The following DCAF13 variants were observed in gnomAD, a reference collection of about 807,000 sequenced individuals.
DCAF13 encodes the protein DDB1 and CUL4 associated factor 13, also known as DDB1- and CUL4-associated factor 13.
In DCAF13, 38 loss-of-function variants were observed where a neutral mutation model predicts 59.0. The ratio of observed to expected loss-of-function variants is 0.64; its 90% CI spans 0.50 to 0.84. DCAF13 has a LOEUF of 0.84. DCAF13 is among the 40% of genes least tolerant of loss of function. DCAF13 has a pLI of 0.00. For missense variants in DCAF13, 469 were observed against 558.4 expected, an observed-to-expected ratio of 0.84 and a Z score of 1.61; for synonymous variants, 173 against 175.0, an observed-to-expected ratio of 0.99 and a Z score of 0.09.
rs759281100 is a variant in DCAF13, at chr8:103,420,440, C to G, written c.247C>G (p.Leu83Val). The change falls in exon 2 of 11, where the codon CTT becomes GTT. Residue 83 changes from leucine (L) to valine (V), a missense_variant. Leu to Val is a conservative substitution (Grantham distance 32). This residue lies in a region of DCAF13 where 355 missense variants were observed against 399.1 expected (regional missense o/e 0.89). Coordinates refer to ENST00000612750, the MANE Select transcript of DCAF13 (RefSeq NM_015420.7). ...AKHPEKLATVLSGACDGEVRI... is the reference protein window; with the variant it reads ...AKHPEKLATVVSGACDGEVRI... ...GCATCCAGAGAAGCTGGCTACTGTC[C>G]TTTCTGGGGCGTGTGATGGAGAGGC... The G allele has an allele frequency of 1.9e-6, 3 of 1,613,678 alleles. No individual in the cohort carries two copies. The East Asian group carries it at 6.7e-5, about 36-fold the overall frequency.
intron 5 of DCAF13, chr8:103,429,847 C>T (rs1051254910): frequency 4.6e-5 from 7 of 152,112 alleles, no homozygotes; most frequent in African/African-American, 1.7e-4. Context: ...ACTGGTACAG[C>T]TCTTTGGAAA....
intron 1 of DCAF13, among the ~76,000 whole-genome samples, chr8:103,418,330 G>A (rs1816655759): frequency 6.6e-6 from 1 of 151,624 alleles, no homozygotes; most frequent in Admixed American, 6.6e-5. Flanking sequence ...AGTAGCCTGG[G>A]CATCATAAGG....
intron 5 of DCAF13, chr8:103,427,561 G>A (rs889769032): frequency 2.8e-6 from 1 of 352,550 alleles, no homozygotes; most frequent in Non-Finnish European, 5.1e-6. Context: ...TCAACTTCAT[G>A]TTCCATAGAT....
chr8:103,420,232 T>C, intron 1 of DCAF13, 32 bp from the exon 2 acceptor site: 1 of 1,590,800 alleles, frequency 6.3e-7, no homozygotes, highest in Non-Finnish European at 8.6e-7. Context: ...ATATTAAGTG[T>C]GAATTATTAA....
At chr8:103,420,774 A>G (rs1816711591) in intron 2 of DCAF13, 21 of 586,146 alleles carry the variant, frequency 3.6e-5, no homozygotes, top group East Asian at 2.3e-4. Context: ...GTTTTGTAAC[A>G]CTTTAGAATC....
intron 10 of DCAF13, chr8:103,442,594 A>G (rs1563508076): frequency 2.5e-6 from 1 of 406,910 alleles, no homozygotes; most frequent in Non-Finnish European, 4.4e-6. Flanking sequence ...AAAGGACCCT[A>G]TTAGGTAAAT....
chr8:103,433,667 A>G (rs780937554), intron 7 of DCAF13, among the ~76,000 whole-genome samples: 1 of 152,046 alleles, frequency 6.6e-6, no homozygotes, highest in Non-Finnish European at 1.5e-5. Flanking sequence ...CTTTCTGCTA[A>G]AAAGAGGTTT....
intron 3 of DCAF13, among the ~76,000 whole-genome samples, chr8:103,425,211 T>C (rs1280248158): frequency 6.6e-6 from 1 of 152,236 alleles, no homozygotes; most frequent in Non-Finnish European, 1.5e-5. Flanking sequence ...AAGTTAAAAC[T>C]AGCAGTTTTG....
chr8:103,429,343 C>G (rs1009581721), intron 5 of DCAF13: 2 of 152,158 alleles, frequency 1.3e-5, no homozygotes, highest in African/African-American at 4.8e-5. Context: ...ATGATCATAA[C>G]ATTAGCTTTA....
At position 103,442,819 on chromosome 8, in the gene DCAF13, C is replaced by A; in HGVS notation, c.1275C>A (p.Ser425Arg). The A allele has an allele frequency of 6.2e-7, 1 of 1,604,756 alleles. No homozygotes were observed. The highest frequency in any genetic ancestry group is 8.5e-7 in the Non-Finnish European group (1 of 1,176,818). The stretch of plus-strand genomic sequence containing the variant: ...GGGAAGTGAATCGTATTAAACACAG[C>A]AAGCCTGGATCTGTGCCACTTGTGT... ...RRKEVNRIKHSKPGSVPLVSE... is the reference protein window; with the variant it reads ...RRKEVNRIKHRKPGSVPLVSE... The change falls in exon 11 of 11, where the codon AGC becomes AGA. Residue 425 changes from serine (S) to arginine (R), a missense_variant. Physicochemically the swap from Ser to Arg is moderately radical, Grantham distance 110. This residue lies in a region of DCAF13 where 84 missense variants were observed against 92.3 expected (regional missense o/e 0.91). Transcript: ENST00000612750.
chr8:103,425,096 G>T (rs1042111443), intron 3 of DCAF13, among the ~76,000 whole-genome samples: 2 of 152,250 alleles, frequency 1.3e-5, no homozygotes, highest in East Asian at 3.9e-4. Context: ...TTTGCTGTAA[G>T]AAAAGAGCTA....
intron 8 of DCAF13, among the ~76,000 whole-genome samples, chr8:103,439,167 G>A (rs1020551613): frequency 6.6e-6 from 1 of 151,788 alleles, no homozygotes; most frequent in Non-Finnish European, 1.5e-5. Context: ...ACCATGCCTG[G>A]CTAATTTTTT....
Position 103,420,273 on chromosome 8 carries a change from AC to A in DCAF13, c.81del (p.Tyr28MetfsTer15). On this transcript the variant is annotated frameshift_variant, in exon 2 of 11. Transcript: ENST00000612750. LOFTEE classifies it high-confidence loss of function. Reference sequence around the variant, plus strand: ...ATCATTCTTATTTCAGTTCCAAGAAACTATGATCCTGCTTTACATCCTTTTG... The same window carrying A: ...ATCATTCTTATTTCAGTTCCAAGAAATATGATCCTGCTTTACATCCTTTTG... ...TKLDLQRVPR[N>X]YDPALHPFEV... is the part of the protein sequence containing the mutation. 1 of 1,613,466 alleles carries A rather than the reference AC, an allele frequency of 6.2e-7. No homozygotes were observed.
intron 1 of DCAF13, among the ~76,000 whole-genome samples, chr8:103,416,225 T>C (rs1254803262): frequency 2.6e-5 from 4 of 152,214 alleles, no homozygotes; most frequent in Non-Finnish European, 5.9e-5. Flanking sequence ...GTAAGCGAGA[T>C]GAGATGAGGC....
Position 103,416,088 on chromosome 8 carries a change from A to G in DCAF13, c.70+572A>G, listed in dbSNP as rs115393786. Among the ~76,000 whole-genome samples, 919 of 152,354 alleles carry G rather than the reference A, an allele frequency of 6.0e-3. 6 individuals carry two copies. Among genetic ancestry groups the G allele is most frequent in the African/African-American group, 0.021 (868 of 41,582 alleles). ...ATAAATTGTACTTTGTGATACCTAAATGACAAGGGACCAACCATGCGTAAG... is the reference window on the plus strand; with the variant it reads ...ATAAATTGTACTTTGTGATACCTAAGTGACAAGGGACCAACCATGCGTAAG... On this transcript the variant is annotated intron_variant, in intron 1 of 10. Coordinates refer to ENST00000612750, the MANE Select transcript of DCAF13 (RefSeq NM_015420.7).
At chr8:103,415,683 T>C (rs1816600214) in intron 1 of DCAF13, among the ~76,000 whole-genome samples, 167 bp downstream of exon 1, 1 of 152,176 alleles carries the variant, frequency 6.6e-6, no homozygotes, top group South Asian at 2.1e-4. Context: ...CGGAACTGGA[T>C]GGATAGCAAG....
Position 103,435,610 on chromosome 8 carries a change from A to T in DCAF13, c.786-16A>T, listed in dbSNP as rs758697057. 4.0e-6 allele frequency: 6 copies of T among 1,508,014 alleles called. No homozygotes were observed. The highest frequency in any genetic ancestry group is 4.4e-6 in the Non-Finnish European group (5 of 1,127,834). The allele number at this position is 1,508,014 out of a possible 1,614,324, so 93.4% of individuals were successfully genotyped here. A position where few individuals can be genotyped will look rare whatever the true frequency, so the allele number is the denominator to read the frequency against. On this transcript the variant is annotated splice_polypyrimidine_tract_variant and intron_variant, in intron 7 of 10. Coordinates refer to ENST00000612750, the MANE Select transcript of DCAF13 (RefSeq NM_015420.7). Reference sequence around the variant, plus strand: ...TTCTAGAAATATGTGTCAAATATTTAAAAATTCTTTTACAGCTTATATACT... The same window carrying T: ...TTCTAGAAATATGTGTCAAATATTTTAAAATTCTTTTACAGCTTATATACT...
In DCAF13 at chr8:103,442,799, G is replaced by A. The variant is rs760550577; in HGVS notation, c.1255G>A (p.Val419Met). 6.3e-7 allele frequency: 1 copy of A among 1,575,704 alleles called. No homozygotes were observed. Among genetic ancestry groups the A allele is most frequent in the Admixed American group, 1.9e-5 (1 of 53,154 alleles). The part of the protein sequence containing the change: ...IMKEARRRKE[V>M]NRIKHSKPGS... ...TTTTGTATATTTTATTTCTAGGGAA[G>A]TGAATCGTATTAAACACAGCAAGCC... The change falls in exon 11 of 11, where the codon GTG (valine) becomes ATG (methionine). Residue 419 changes from valine to methionine, a missense_variant. By Grantham distance (21) the Val-to-Met change is conservative. Coordinates refer to ENST00000612750, the MANE Select transcript of DCAF13 (RefSeq NM_015420.7).
Position 103,440,281 on chromosome 8 carries a change from T to G in DCAF13, c.1086+10T>G, listed in dbSNP as rs200149472. 122 of 1,554,796 alleles carry G rather than the reference T, an allele frequency of 7.8e-5. No individual in the cohort carries two copies. In the South Asian group the frequency reaches 1.1e-3, roughly 14 times the overall value. On this transcript the variant is annotated intron_variant, in intron 9 of 10. Coordinates refer to ENST00000612750, the MANE Select transcript of DCAF13 (RefSeq NM_015420.7). Reference sequence around the variant, plus strand: ...TGAAAAATTGGGTGTGGTAAGAGAATTCATTTTCTTTCATTGTCATAAAGC... The same window carrying G: ...TGAAAAATTGGGTGTGGTAAGAGAAGTCATTTTCTTTCATTGTCATAAAGC...
Sources: allele counts gnomAD v4.1 joint callset (sites outside exome capture counted in the v4.1 genomes callset), GRCh38; gene constraint gnomAD v4.1.1; regional missense constraint gnomAD v4.1.1; transcripts MANE v1.5; gene names NCBI Gene and HGNC (gene_info 2026-07-23, HGNC 2026-07-21).